The following CMBL variants were observed in gnomAD, a reference collection of about 807,000 sequenced individuals.
CMBL encodes the protein carboxymethylenebutenolidase homolog (Pseudomonas).
Under a neutral mutation model 28.7 loss-of-function variants are expected in CMBL, and 17 were observed. The observed-to-expected ratio is 0.59, with a 90% CI of 0.41 to 0.89. The LOEUF (loss-of-function observed/expected upper bound fraction) is 0.89, where lower values mean the gene tolerates loss of function less well. Ranked by LOEUF, CMBL falls within the 40% of genes least tolerant of loss-of-function variation. CMBL has a pLI of 0.00. For missense variants in CMBL, 310 were observed against 298.5 expected (o/e 1.04, Z -0.28); for synonymous variants, 106 against 101.6 (o/e 1.04, Z -0.26).
chr5:10,280,263 C>G lies in CMBL; in HGVS notation c.*190G>C, dbSNP rs1746475900. 4.0e-6 allele frequency: 2 copies of G among 493,876 alleles called. No individual in the cohort carries two copies. Among genetic ancestry groups the G allele is most frequent in the Non-Finnish European group, 7.1e-6 (2 of 281,674 alleles). The allele number at this position is 493,876 out of a possible 1,614,324, so 30.6% of individuals were successfully genotyped here. A position where few individuals can be genotyped will look rare whatever the true frequency, so the allele number is the denominator to read the frequency against. On this transcript the variant is annotated 3_prime_UTR_variant, in exon 6 of 6. Transcript: ENST00000296658. ...CAGACCTTGTTTTTAAATTATGATT[C>G]GATGTACATGTCAAAAATTAAATTA... is the stretch of plus-strand genomic sequence containing the variant.
intron 3 of CMBL, among the ~76,000 whole-genome samples, chr5:10,287,912 A>G (rs145866814): frequency 0.013 from 1,978 of 151,560 alleles, 51 homozygotes; most frequent in African/African-American, 0.044. Context: ...TTGTATTTTT[A>G]GTAGAGGCAG....
chr5:10,283,386 G>C (rs1422936390), intron 4 of CMBL, among the ~76,000 whole-genome samples: 1 of 152,214 alleles, frequency 6.6e-6, no homozygotes, highest in Non-Finnish European at 1.5e-5. Context: ...GTTGGTAAGA[G>C]GAGCTGTCTT....
chr5:10,287,550 G>A (rs775104902), intron 3 of CMBL, among the ~76,000 whole-genome samples: 3 of 152,018 alleles, frequency 2.0e-5, no homozygotes, highest in Admixed American at 1.3e-4. Flanking sequence ...TACACTACTC[G>A]GTGACAGATG....
chr5:10,297,543 C>T (rs957269809), intron 1 of CMBL, among the ~76,000 whole-genome samples: 6 of 142,512 alleles, frequency 4.2e-5, no homozygotes, highest in East Asian at 2.0e-4. Context: ...CACTCCAGCC[C>T]GGACAAGAAG....
Position 10,290,695 on chromosome 5 carries a change from C to T in CMBL, c.68G>A (p.Arg23His), listed in dbSNP as rs765600000. The T allele has an allele frequency of 6.2e-6, 10 of 1,614,182 alleles. No homozygotes were observed. The East Asian group carries it at 1.1e-4, about 18-fold the overall frequency. ...GHRLEYGGLG[R>H]EVQVEHIKAY... Reference sequence around the variant, plus strand: ...CTTGATGTGCTCGACTTGAACTTCACGGCCTAGCCCTCCATACTCAAGTCT... The same window carrying T: ...CTTGATGTGCTCGACTTGAACTTCATGGCCTAGCCCTCCATACTCAAGTCT... Residue 23 changes from arginine to histidine, a missense_variant, in exon 2 of 6, where the codon CGT becomes CAT. Physicochemically the swap from Arg to His is conservative, Grantham distance 29. Transcript: ENST00000296658.
chr5:10,280,702 C>T (rs1393486845), intron 5 of CMBL, 70 bp from the exon 6 acceptor site: 26 of 1,298,214 alleles, frequency 2.0e-5, no homozygotes, highest in Middle Eastern at 2.1e-4. Context: ...CTTTAGTGAG[C>T]GTTCATAACA....
chr5:10,286,633 T>G, intron 3 of CMBL, 137 bp from the exon 4 acceptor site: 1 of 672,496 alleles, frequency 1.5e-6, no homozygotes, highest in Non-Finnish European at 2.4e-6. Flanking sequence ...AGCTCCACCC[T>G]TACTACCTCT....
intron 1 of CMBL, among the ~76,000 whole-genome samples, chr5:10,293,282 A>G (rs577260572): frequency 6.6e-6 from 1 of 152,340 alleles, no homozygotes; most frequent in South Asian, 2.1e-4. Flanking sequence ...ATAAATGCAG[A>G]GGTTTATTTC....
At chr5:10,294,333 G>A (rs1196382917) in intron 1 of CMBL, among the ~76,000 whole-genome samples, 1 of 152,102 alleles carries the variant, frequency 6.6e-6, no homozygotes, top group Non-Finnish European at 1.5e-5. Flanking sequence ...TCAATACTTT[G>A]GGAGGCTGAG....
intron 1 of CMBL, among the ~76,000 whole-genome samples, chr5:10,293,058 G>C (rs761455514): frequency 3.9e-5 from 6 of 152,184 alleles, no homozygotes; most frequent in Non-Finnish European, 7.4e-5. Flanking sequence ...ATTTAGAACT[G>C]GATTACCATG....
At position 10,278,545 on chromosome 5, in the gene CMBL, G is replaced by T. The variant is rs3995688; in HGVS notation, c.*1908C>A. ...TGCATAGATGACACCCTGGGCCCCA[G>T]TGAAGGCTTTGGCTCATAGCTCCCT... is the stretch of plus-strand genomic sequence containing the variant. On this transcript the variant is annotated 3_prime_UTR_variant, in exon 6 of 6. Coordinates refer to ENST00000296658, the MANE Select transcript of CMBL (RefSeq NM_138809.4). Among the ~76,000 whole-genome samples, 85,249 of 151,858 alleles carry T rather than the reference G, an allele frequency of 0.56. 26,211 individuals carry two copies. The highest frequency in any genetic ancestry group is 0.7 in the Non-Finnish European group (47,810 of 67,948).
At chr5:10,306,001 C>G (rs958914636) in intron 1 of CMBL, among the ~76,000 whole-genome samples, 6 of 152,106 alleles carry the variant, frequency 3.9e-5, no homozygotes, top group Admixed American at 1.3e-4. Context: ...CAACATCTGC[C>G]TATTTCTCTC....
At chr5:10,280,932 C>T (rs1307114844) in intron 5 of CMBL, among the ~76,000 whole-genome samples, 2 of 152,208 alleles carry the variant, frequency 1.3e-5, no homozygotes, top group Non-Finnish European at 2.9e-5. Context: ...CGCCACCATG[C>T]CCAGCTAATT....
chr5:10,285,300 C>G (rs1344678144), intron 4 of CMBL, among the ~76,000 whole-genome samples: 2 of 152,206 alleles, frequency 1.3e-5, no homozygotes, highest in Non-Finnish European at 2.9e-5. Flanking sequence ...TCCTGAATAT[C>G]TGGGACTACA....
intron 4 of CMBL, among the ~76,000 whole-genome samples, chr5:10,283,597 C>T (rs185079236): frequency 9.9e-5 from 15 of 152,202 alleles, no homozygotes; most frequent in African/African-American, 2.9e-4. Flanking sequence ...TGGCCACCCA[C>T]GCAAAACCTT....
At chr5:10,300,791 C>CATTTTT (rs1226296311) in intron 1 of CMBL, among the ~76,000 whole-genome samples, 1 of 149,880 alleles carries the variant, frequency 6.7e-6, no homozygotes, top group East Asian at 1.9e-4. Context: ...CAAAGAGAGA[C>CATTTTT]ATTTTTATTT....
Position 10,278,047 on chromosome 5 carries a change from C to T in CMBL, c.*2406G>A, listed in dbSNP as rs578110963. Among the ~76,000 whole-genome samples the T allele has an allele frequency of 2.0e-5, 3 of 152,180 alleles. No homozygotes were observed. Among genetic ancestry groups the T allele is most frequent in the Non-Finnish European group, 2.9e-5 (2 of 68,026 alleles). ...GCCCTCAGCAGGCAAGGGCTTTGGCCTGTTGGGGTCCACAACTAAGTGTCC... is the reference window on the plus strand; with the variant it reads ...GCCCTCAGCAGGCAAGGGCTTTGGCTTGTTGGGGTCCACAACTAAGTGTCC... On this transcript the variant is annotated 3_prime_UTR_variant, in exon 6 of 6. Coordinates refer to ENST00000296658, the MANE Select transcript of CMBL (RefSeq NM_138809.4).
intron 1 of CMBL, among the ~76,000 whole-genome samples, chr5:10,303,321 T>G (rs1009971219): frequency 1.6e-4 from 24 of 152,240 alleles, no homozygotes; most frequent in African/African-American, 5.3e-4. Context: ...GCACATGTTC[T>G]CAGGCCCTCT....
chr5:10,307,733 A>AC lies in CMBL; in HGVS notation c.-129dup, dbSNP rs905105803. 52 of 152,864 alleles carry AC rather than the reference A, an allele frequency of 3.4e-4. No homozygotes were observed. Among genetic ancestry groups the AC allele is most frequent in the African/African-American group, 1.2e-3 (50 of 41,536 alleles). The allele number at this position is 152,864 out of a possible 1,614,324, so 9.5% of individuals were successfully genotyped here. Reference sequence around the variant, plus strand: ...AGGGACGTGGACGCGGCGACCGAGGACGCGGGGATCCTGCGGGACCAGTGG... The same window carrying AC: ...AGGGACGTGGACGCGGCGACCGAGGACCGCGGGGATCCTGCGGGACCAGTGG... On this transcript the variant is annotated 5_prime_UTR_variant, in exon 1 of 6. Transcript: ENST00000296658.
Sources: allele counts gnomAD v4.1 joint callset (sites outside exome capture counted in the v4.1 genomes callset), GRCh38; gene constraint gnomAD v4.1.1; transcripts MANE v1.5; gene names NCBI Gene and HGNC (gene_info 2026-07-23, HGNC 2026-07-21).